Variants in SOS1 observed in about 807,000 individuals in gnomAD.
SOS1 encodes the protein SOS Ras/Rac guanine nucleotide exchange factor 1, also known as son of sevenless homolog 1.
Under a neutral mutation model 157.6 loss-of-function variants are expected in SOS1, and 25 were observed. The observed-to-expected ratio is 0.16, with a 90% confidence interval of 0.12 to 0.22. The LOEUF (loss-of-function observed/expected upper bound fraction) is 0.22. SOS1 is among the 10% of genes least tolerant of loss of function. The pLI, the probability that SOS1 is intolerant of heterozygous loss-of-function variation, is 1.00. For missense variants in SOS1, 1,237 were observed against 1,599.1 expected (o/e 0.77, Z 3.86); for synonymous variants, 528 against 534.0 (o/e 0.99, Z 0.16).
chr2:39,006,177 C>T (rs1669277481), intron 17 of SOS1, among the ~76,000 whole-genome samples: 1 of 152,006 alleles, frequency 6.6e-6, no homozygotes, highest in African/African-American at 2.4e-5. Flanking sequence ...AATATAAAAA[C>T]ACAAGTATTA....
chr2:39,078,963 G>C (rs1672109699), intron 1 of SOS1, among the ~76,000 whole-genome samples: 1 of 151,270 alleles, frequency 6.6e-6, no homozygotes, highest in Non-Finnish European at 1.5e-5. Flanking sequence ...GGGAGGCTGA[G>C]GCAGGAGAAT....
At chr2:39,082,270 G>A (rs188083914) in intron 1 of SOS1, among the ~76,000 whole-genome samples, 3 of 152,208 alleles carry the variant, frequency 2.0e-5, no homozygotes, top group African/African-American at 4.8e-5. Flanking sequence ...ATTCATAAGA[G>A]TTTTTTGGTG....
intron 16 of SOS1, 85 bp downstream of exon 16, chr2:39,006,946 A>G (rs1444252581): frequency 7.7e-6 from 7 of 913,666 alleles, no homozygotes; most frequent in Non-Finnish European, 1.3e-5. Flanking sequence ...TGAGACATTT[A>G]AAAATTAAAG....
intron 2 of SOS1, among the ~76,000 whole-genome samples, chr2:39,062,723 C>T (rs1175762597): frequency 6.6e-6 from 1 of 151,634 alleles, no homozygotes; most frequent in Non-Finnish European, 1.5e-5. Context: ...GAAATCAGTC[C>T]AGTCAAGTAA....
chr2:39,031,348 G>A (rs751756864), intron 8 of SOS1, among the ~76,000 whole-genome samples: 2 of 152,190 alleles, frequency 1.3e-5, no homozygotes, highest in Non-Finnish European at 2.9e-5. Flanking sequence ...GCATCTTGGG[G>A]AGAGGGAGAT....
intron 15 of SOS1, 157 bp from the exon 16 acceptor site, chr2:39,007,350 G>A (rs1055541866): frequency 9.7e-6 from 6 of 619,714 alleles, no homozygotes; most frequent in Admixed American, 2.8e-5. Flanking sequence ...ATAGAAGGAA[G>A]GCAGTGCCTC....
intron 1 of SOS1, among the ~76,000 whole-genome samples, chr2:39,089,081 T>TACAAA (rs772862230): frequency 6.6e-6 from 1 of 152,178 alleles, no homozygotes; most frequent in African/African-American, 2.4e-5. Flanking sequence ...AGTGTGCCTT[T>TACAAA]ACAAAACAAA....
chr2:38,986,801 A>G (rs1668574049), intron 22 of SOS1, among the ~76,000 whole-genome samples: 1 of 152,058 alleles, frequency 6.6e-6, no homozygotes, highest in Non-Finnish European at 1.5e-5. Context: ...TTATCACTCA[A>G]TCTAAGATCA....
Position 39,090,064 on chromosome 2 carries a change from T to C in SOS1, c.88-22311A>G, listed in dbSNP as rs1672533408. Reference sequence around the variant, plus strand: ...CTGAGGCCAGAGAATCACTTAAGCCTGGGAGGCAGAGGTTGTGGTAAGCTG... The same window carrying C: ...CTGAGGCCAGAGAATCACTTAAGCCCGGGAGGCAGAGGTTGTGGTAAGCTG... On this transcript the variant is annotated intron_variant, in intron 1 of 22. Transcript: ENST00000402219. Among the ~76,000 whole-genome samples, 4 of 147,910 alleles carry C rather than the reference T, an allele frequency of 2.7e-5. 1 individual carries two copies. In the South Asian group the frequency reaches 8.6e-4, roughly 32 times the overall value.
intron 1 of SOS1, among the ~76,000 whole-genome samples, chr2:39,076,058 C>T (rs753862805): frequency 4.1e-4 from 62 of 152,202 alleles, no homozygotes; most frequent in Non-Finnish European, 6.3e-4. Flanking sequence ...ACCAAACCAA[C>T]ACTATCTAGG....
intron 1 of SOS1, among the ~76,000 whole-genome samples, chr2:39,106,509 T>C (rs1450431162): frequency 6.9e-6 from 1 of 144,526 alleles, no homozygotes; most frequent in Non-Finnish European, 1.5e-5. Flanking sequence ...GAGAATGGCG[T>C]GAACCCGGGA....
intron 1 of SOS1, among the ~76,000 whole-genome samples, chr2:39,104,307 T>C (rs1673083769): frequency 6.6e-6 from 1 of 151,748 alleles, no homozygotes; most frequent in African/African-American, 2.4e-5. Flanking sequence ...ATAACTAATT[T>C]AAAAAGGGGC....
At chr2:39,095,328 C>T (rs995640270) in intron 1 of SOS1, among the ~76,000 whole-genome samples, 12 of 152,142 alleles carry the variant, frequency 7.9e-5, no homozygotes, top group Non-Finnish European at 1.5e-5. Flanking sequence ...TGAGAAACTA[C>T]TTGAGGACTG....
intron 2 of SOS1, 139 bp downstream of exon 2, chr2:39,067,489 A>C (rs1354147235): frequency 3.8e-5 from 31 of 806,086 alleles, no homozygotes; most frequent in Middle Eastern, 2.5e-4. Context: ...GGGATACTCA[A>C]CCTGTAAAGA....
chr2:39,087,601 G>A (rs150624115), intron 1 of SOS1, among the ~76,000 whole-genome samples: 106 of 152,266 alleles, frequency 7.0e-4, no homozygotes, highest in African/African-American at 2.2e-3. Context: ...CAAGCGTCTC[G>A]CCTGAAAATG....
rs1196807728 is a variant in SOS1 at position 38,982,218 on chromosome 2, C to T, written c.*3606G>A. 1.3e-5 allele frequency: 2 copies of T among 152,200 alleles called. No individual in the cohort carries two copies. The highest frequency in any genetic ancestry group is 1.9e-4 in the East Asian group (1 of 5,180). The allele number at this position is 152,200 out of a possible 1,614,324, so 9.4% of individuals were successfully genotyped here. A position where few individuals can be genotyped will look rare whatever the true frequency, so the allele number is the denominator to read the frequency against. On this transcript the variant is annotated 3_prime_UTR_variant, in exon 23 of 23. Coordinates refer to ENST00000402219, the MANE Select transcript of SOS1 (RefSeq NM_005633.4). ...CACAGTCGACAGAAAATGCACTTTA[C>T]GGTGTCAAAAATGGAAAATAAGGCA...
upstream of SOS1, among the ~76,000 whole-genome samples, chr2:39,123,138 C>G (rs1431197041): frequency 6.6e-6 from 1 of 152,180 alleles, no homozygotes; most frequent in African/African-American, 2.4e-5. Flanking sequence ...CTTCTCTCAG[C>G]CTAGAACCCC....
At chr2:39,055,828 T>G (rs1003896341) in intron 4 of SOS1, among the ~76,000 whole-genome samples, 13 of 152,202 alleles carry the variant, frequency 8.5e-5, no homozygotes, top group African/African-American at 3.1e-4. Flanking sequence ...AGTCTAGGCT[T>G]TGAAACTTCT....
At chr2:39,045,102 G>A (rs890361742) in intron 6 of SOS1, among the ~76,000 whole-genome samples, 1 of 152,066 alleles carries the variant, frequency 6.6e-6, no homozygotes, top group African/African-American at 2.4e-5. Flanking sequence ...GTATTGTAAT[G>A]TGCTCAACAT....
Sources: gnomAD v4.1 joint callset for allele counts (sites outside exome capture counted in the v4.1 genomes callset) on GRCh38, gnomAD v4.1.1 for gene constraint, MANE v1.5 for transcripts, NCBI Gene and HGNC (gene_info 2026-07-23, HGNC 2026-07-21) for gene names.